CFAP299: variants seen among roughly 807,000 people sequenced by gnomAD.
The protein encoded by CFAP299 is cilia and flagella associated protein 299.
CFAP299 carries 21 observed loss-of-function variants against 27.0 expected under a neutral mutation model. The ratio of observed to expected loss-of-function variants is 0.78; its 90% CI spans 0.55 to 1.12. The LOEUF (loss-of-function observed/expected upper bound fraction) is 1.12. Among genes scored for constraint, CFAP299 ranks in the 50% most tolerant of loss-of-function variants. The probability of loss-of-function intolerance (pLI) is 0.00; values close to 1 mark genes in which losing one functional copy is unlikely to be tolerated. For synonymous variants in CFAP299, 104 were observed against 98.1 expected (o/e 1.06, Z -0.36); for missense variants, 310 against 276.6 (o/e 1.12, Z -0.86).
chr4:80,679,389 GTTTA>G (rs1352125512), intron 3 of CFAP299, among the ~76,000 whole-genome samples: 1 of 151,902 alleles, frequency 6.6e-6, no homozygotes, highest in African/African-American at 2.4e-5. Flanking sequence ...AATTATATGT[GTTTA>G]TTTGTTTGCA....
At chr4:80,669,368 G>A (rs1381137145) in intron 3 of CFAP299, among the ~76,000 whole-genome samples, 1 of 151,212 alleles carries the variant, frequency 6.6e-6, no homozygotes, top group Non-Finnish European at 1.5e-5. Flanking sequence ...GGCCAGGCTG[G>A]TCTCGAACTC....
At chr4:80,895,170 CCACACACACACA>C (rs66497721) in intron 4 of CFAP299, among the ~76,000 whole-genome samples, 5 of 132,590 alleles carry the variant, frequency 3.8e-5, no homozygotes, top group Non-Finnish European at 7.6e-5. Flanking sequence ...AATGTTCTCA[CCACACACACACA>C]CACACACACA....
At chr4:80,606,004 C>T (rs1050931792) in intron 3 of CFAP299, among the ~76,000 whole-genome samples, 1 of 152,244 alleles carries the variant, frequency 6.6e-6, no homozygotes, top group East Asian at 1.9e-4. Context: ...ACCAGCTTGC[C>T]TTTCTTTTGC....
intron 2 of CFAP299, among the ~76,000 whole-genome samples, chr4:80,425,592 T>C (rs1280778858): frequency 6.6e-6 from 1 of 152,212 alleles, no homozygotes; most frequent in East Asian, 1.9e-4. Context: ...TCTTTTCACT[T>C]AGAATCTTTT....
chr4:80,854,358 A>T (rs1052395563), intron 3 of CFAP299, among the ~76,000 whole-genome samples: 2 of 152,128 alleles, frequency 1.3e-5, no homozygotes, highest in African/African-American at 2.4e-5. Context: ...TGCTATAAGG[A>T]GAAGCAGACA....
chr4:80,682,729 TA>T (rs1719921629), intron 3 of CFAP299, among the ~76,000 whole-genome samples: 1 of 152,194 alleles, frequency 6.6e-6, no homozygotes, highest in Admixed American at 6.5e-5. Context: ...AGACTGCATT[TA>T]ATGCCTATTC....
intron 2 of CFAP299, among the ~76,000 whole-genome samples, chr4:80,504,882 A>G (rs1258199243): frequency 6.8e-6 from 1 of 148,018 alleles, no homozygotes; most frequent in African/African-American, 2.5e-5. Context: ...TCATCCCCCT[A>G]TTTTATATGT....
intron 1 of CFAP299, among the ~76,000 whole-genome samples, chr4:80,355,647 T>C (rs1448825604): frequency 6.6e-5 from 10 of 152,092 alleles, no homozygotes; most frequent in Non-Finnish European, 1.2e-4. Flanking sequence ...GGGTTGATTG[T>C]TTTTTTCTTG....
chr4:80,789,322 G>A (rs1380535871), intron 3 of CFAP299, among the ~76,000 whole-genome samples: 1 of 151,966 alleles, frequency 6.6e-6, no homozygotes, highest in African/African-American at 2.4e-5. Context: ...AGTGACTTAA[G>A]CACCAAGAAG....
intron 3 of CFAP299, among the ~76,000 whole-genome samples, chr4:80,644,941 C>G (rs914568026): frequency 1.6e-4 from 25 of 152,146 alleles, no homozygotes; most frequent in African/African-American, 5.8e-4. Flanking sequence ...CTTTCAGCAG[C>G]ATTAATCATA....
chr4:80,803,202 T>A (rs1728699169), intron 3 of CFAP299, among the ~76,000 whole-genome samples: 1 of 152,040 alleles, frequency 6.6e-6, no homozygotes, highest in Non-Finnish European at 1.5e-5. Flanking sequence ...TCAAAGCCTC[T>A]TTTAGGAATT....
intron 3 of CFAP299, among the ~76,000 whole-genome samples, chr4:80,815,848 C>T (rs1729394724): frequency 6.6e-6 from 1 of 151,954 alleles, no homozygotes; most frequent in Non-Finnish European, 1.5e-5. Context: ...AGATACCCCA[C>T]ATTTTTAATG....
At chr4:80,346,962 G>A (rs943106935) in intron 1 of CFAP299, among the ~76,000 whole-genome samples, 6 of 152,116 alleles carry the variant, frequency 3.9e-5, no homozygotes, top group Admixed American at 3.9e-4. Flanking sequence ...GCAGTGGTTT[G>A]TAGTTCTCCT....
chr4:80,760,045 G>A (rs954710968), intron 3 of CFAP299, among the ~76,000 whole-genome samples: 2 of 151,946 alleles, frequency 1.3e-5, no homozygotes, highest in African/African-American at 2.4e-5. Flanking sequence ...CTTTGATTTA[G>A]TCAATTTTAT....
Position 80,510,431 on chromosome 4 carries a change from C to T in CFAP299, c.243-72662C>T, listed in dbSNP as rs142304008. On this transcript the variant is annotated intron_variant, in intron 2 of 5. Transcript: ENST00000358105. ...AAGTGGATTCCTTGCCTCAAGATGG[C>T]ACACCTCTGTGGAGCCATATGTGTT... 3.8e-4 allele frequency among the ~76,000 whole-genome samples: 58 copies of T among 152,222 alleles called. No individual in the cohort carries two copies. The Middle Eastern group carries it at 0.017, about 45-fold the overall frequency.
At chr4:80,803,746 T>G (rs984704085) in intron 3 of CFAP299, among the ~76,000 whole-genome samples, 4 of 149,486 alleles carry the variant, frequency 2.7e-5, no homozygotes, top group Non-Finnish European at 5.9e-5. Flanking sequence ...TATATTTTAT[T>G]TAACTAAATA....
chr4:80,947,516 T>C lies in CFAP299; in HGVS notation c.606+2577T>C, dbSNP rs189762255. On this transcript the variant is annotated intron_variant, in intron 5 of 5. Coordinates refer to ENST00000358105, the MANE Select transcript of CFAP299 (RefSeq NM_152770.3). ...TAGAGAGTTGTTGTAGTTGTTGTGTTGTTGTTTGTTTTGTTTCTTTCTGAT... is the reference window on the plus strand; with the variant it reads ...TAGAGAGTTGTTGTAGTTGTTGTGTCGTTGTTTGTTTTGTTTCTTTCTGAT... 6.8e-4 allele frequency among the ~76,000 whole-genome samples: 103 copies of C among 152,208 alleles called. 1 individual carries two copies. Among genetic ancestry groups the C allele is most frequent in the African/African-American group, 2.4e-3 (101 of 41,554 alleles).
At chr4:80,822,381 T>C (rs1729752862) in intron 3 of CFAP299, among the ~76,000 whole-genome samples, 1 of 152,160 alleles carries the variant, frequency 6.6e-6, no homozygotes, top group Non-Finnish European at 1.5e-5. Context: ...GAAAATATGA[T>C]TTAAGTTAGT....
chr4:80,403,875 A>G (rs1047474613), intron 2 of CFAP299, among the ~76,000 whole-genome samples: 1 of 152,184 alleles, frequency 6.6e-6, no homozygotes, highest in Non-Finnish European at 1.5e-5. Context: ...ACTAGTAGAT[A>G]AATCACTTTT....
Sources: allele counts gnomAD v4.1 joint callset (sites outside exome capture counted in the v4.1 genomes callset), GRCh38; gene constraint gnomAD v4.1.1; transcripts MANE v1.5; gene names NCBI Gene and HGNC (gene_info 2026-07-23, HGNC 2026-07-21).